ULK2: variants seen among roughly 807,000 people sequenced by gnomAD.
ULK2 encodes the protein serine/threonine-protein kinase ULK2.
In ULK2, 76 loss-of-function variants were observed where a neutral mutation model predicts 127.5. The ratio of observed to expected loss-of-function variants is 0.60; its 90% CI spans 0.50 to 0.72. The LOEUF is 0.72. Ranked by LOEUF, ULK2 falls within the 30% of genes least tolerant of loss-of-function variation. The pLI, the probability that ULK2 is intolerant of heterozygous loss-of-function variation, is 0.00. For synonymous variants in ULK2, 452 were observed against 461.9 expected, an observed-to-expected ratio of 0.98 and a Z score of 0.28; for missense variants, 1,144 against 1,295.9, an observed-to-expected ratio of 0.88 and a Z score of 1.80.
chr17:19,865,900 A>G (rs1298612673), intron 1 of ULK2, 72 bp from the exon 2 acceptor site: 2 of 913,972 alleles, frequency 2.2e-6, no homozygotes, highest in Non-Finnish European at 3.3e-6. Context: ...TACAAGCGCG[A>G]AGGTGTTTTT....
At chr17:19,858,272 T>C in intron 3 of ULK2, among the ~76,000 whole-genome samples, 1 of 151,968 alleles carries the variant, frequency 6.6e-6, no homozygotes, top group African/African-American at 2.4e-5. Flanking sequence ...TGGTGGTGCC[T>C]GCCTGTAGTC....
chr17:19,795,284 T>C (rs2087242896), intron 20 of ULK2, among the ~76,000 whole-genome samples: 1 of 131,022 alleles, frequency 7.6e-6, no homozygotes, highest in Non-Finnish European at 1.5e-5. Flanking sequence ...CCAGTTGCTG[T>C]AAAGTAAATG....
At chr17:19,854,944 C>G (rs1271812770) in intron 3 of ULK2, among the ~76,000 whole-genome samples, 1 of 151,050 alleles carries the variant, frequency 6.6e-6, no homozygotes, top group African/African-American at 2.4e-5. Flanking sequence ...ACTAAAAATA[C>G]AAAAAATTAG....
At chr17:19,855,677 A>G (rs953522772) in intron 3 of ULK2, 5 of 152,116 alleles carry the variant, frequency 3.3e-5, no homozygotes, top group African/African-American at 4.8e-5. Flanking sequence ...AATGGGAAAA[A>G]TATCTCAAAA....
At chr17:19,859,883 C>T (rs1044628133) in intron 3 of ULK2, among the ~76,000 whole-genome samples, 3 of 152,180 alleles carry the variant, frequency 2.0e-5, no homozygotes, top group Non-Finnish European at 2.9e-5. Context: ...CACTATGTTG[C>T]ACAGGCTGGT....
intron 10 of ULK2, among the ~76,000 whole-genome samples, chr17:19,837,314 G>C (rs1790152215): frequency 6.6e-6 from 1 of 151,964 alleles, no homozygotes; most frequent in African/African-American, 2.4e-5. Context: ...CAGGTACTGG[G>C]GAGGCTGAGG....
At chr17:19,797,264 T>C in intron 18 of ULK2, 132 bp downstream of exon 18, 5 of 1,074,596 alleles carry the variant, frequency 4.7e-6, no homozygotes, top group Non-Finnish European at 6.4e-6. Context: ...GCCACTGCAC[T>C]CCAGCCTGGG....
In ULK2 at chr17:19,771,260, A is replaced by G. The variant is rs142254368; in HGVS notation, c.*5089T>C. The G allele has an allele frequency of 3.0e-4, 46 of 152,324 alleles. No homozygotes were observed. Among genetic ancestry groups the G allele is most frequent in the African/African-American group, 1.1e-3 (44 of 41,566 alleles). 9.4% of individuals were successfully genotyped at this position (152,324 alleles called of 1,614,324 possible). A position where few individuals can be genotyped will look rare whatever the true frequency, so the allele number is the denominator to read the frequency against. On this transcript the variant is annotated 3_prime_UTR_variant, in exon 27 of 27. Coordinates refer to ENST00000395544, the MANE Select transcript of ULK2 (RefSeq NM_014683.4). ...TCCAAGTTTGATTTTTCCATCTGTA[A>G]AAGGAGGCAAGTAAGGGTTGGTATG...
chr17:19,863,872 C>T (rs1006989121), intron 3 of ULK2, among the ~76,000 whole-genome samples: 17 of 152,304 alleles, frequency 1.1e-4, no homozygotes, highest in Non-Finnish European at 2.4e-4. Context: ...TGCAACTCTA[C>T]TGCATGCCAT....
chr17:19,826,106 C>G, intron 11 of ULK2, 33 bp downstream of exon 11: 1 of 1,339,650 alleles, frequency 7.5e-7, no homozygotes, highest in Non-Finnish European at 9.9e-7. Flanking sequence ...TGCATTCATT[C>G]TTTAAGTGAA....
intron 6 of ULK2, 137 bp from the exon 7 acceptor site, chr17:19,845,514 CAA>C: frequency 8.6e-6 from 5 of 580,960 alleles, no homozygotes; most frequent in East Asian, 3.2e-5. Context: ...GACTGTCCAC[CAA>C]AAAAAAAGTA....
intron 9 of ULK2, among the ~76,000 whole-genome samples, chr17:19,840,828 G>A (rs1290000051): frequency 6.6e-6 from 1 of 152,010 alleles, no homozygotes; most frequent in Non-Finnish European, 1.5e-5. Flanking sequence ...GGGGGAGGCT[G>A]CAGTGAGCCG....
intron 9 of ULK2, among the ~76,000 whole-genome samples, chr17:19,839,588 G>A (rs1395044824): frequency 6.6e-6 from 1 of 151,496 alleles, no homozygotes; most frequent in East Asian, 1.9e-4. Context: ...CTTGAAACTG[G>A]GAGGTGGATG....
At position 19,867,460 on chromosome 17, in the gene ULK2, G is replaced by A. The variant is rs772081628; in HGVS notation, c.-43C>T. ...ACACAGCGGACGGGCGGGCGGCGCA[G>A]TGCGGCGCAGGTATCAGCACCGCGG... On this transcript the variant is annotated 5_prime_UTR_variant, in exon 1 of 27. Transcript: ENST00000395544. 1.3e-6 allele frequency: 2 copies of A among 1,542,010 alleles called. No individual in the cohort carries two copies. Among genetic ancestry groups the A allele is most frequent in the East Asian group, 5.1e-5 (2 of 39,248 alleles).
intron 12 of ULK2, among the ~76,000 whole-genome samples, chr17:19,820,339 G>A (rs2041108045): frequency 6.6e-6 from 1 of 152,158 alleles, no homozygotes; most frequent in Non-Finnish European, 1.5e-5. Context: ...GAGCCACCGT[G>A]TCCGGCCTAG....
At position 19,833,245 on chromosome 17, in the gene ULK2, G is replaced by C. The variant is rs535781805; in HGVS notation, c.787+5256C>G. The stretch of plus-strand genomic sequence containing the variant: ...TTTGATTTTTGACAAAAAACCGCAA[G>C]GCATGCAAAGCAACAAAGAAGTATG... On this transcript the variant is annotated intron_variant, in intron 10 of 26. Transcript: ENST00000395544. Among the ~76,000 whole-genome samples, 110 of 152,084 alleles carry C rather than the reference G, an allele frequency of 7.2e-4. 1 individual carries two copies. Among genetic ancestry groups the C allele is most frequent in the Non-Finnish European group, 1.0e-3 (69 of 68,016 alleles).
intron 14 of ULK2, among the ~76,000 whole-genome samples, chr17:19,809,822 T>C (rs1417774030): frequency 1.3e-5 from 2 of 150,400 alleles, no homozygotes; most frequent in Middle Eastern, 3.4e-3. Context: ...GGAGAATGGC[T>C]TGAACCCAGG....
chr17:19,843,100 A>G (rs778264099), intron 8 of ULK2, 21 bp downstream of exon 8: 8 of 1,569,876 alleles, frequency 5.1e-6, no homozygotes, highest in Admixed American at 5.0e-5. Flanking sequence ...AACTGAGGAC[A>G]TAAGAAAAAA....
intron 13 of ULK2, among the ~76,000 whole-genome samples, chr17:19,815,013 C>G (rs528235785): frequency 2.0e-5 from 3 of 152,164 alleles, no homozygotes; most frequent in Non-Finnish European, 4.4e-5. Context: ...AATCTAAAAT[C>G]TGAAATGCTT....
Sources: gnomAD v4.1 joint callset for allele counts (sites outside exome capture counted in the v4.1 genomes callset) on GRCh38, gnomAD v4.1.1 for gene constraint, MANE v1.5 for transcripts, NCBI Gene and HGNC (gene_info 2026-07-23, HGNC 2026-07-21) for gene names.